Variants in RALGAPA1 observed in about 807,000 individuals in gnomAD.
RALGAPA1 encodes ral GTPase-activating protein subunit alpha-1.
Under a neutral mutation model 269.6 loss-of-function variants are expected in RALGAPA1, and 52 were observed. The observed-to-expected ratio is 0.19, with a 90% CI of 0.15 to 0.24. RALGAPA1 has a LOEUF of 0.24. Ranked by LOEUF, RALGAPA1 falls within the 10% of genes least tolerant of loss-of-function variation. The pLI, the probability that RALGAPA1 is intolerant of heterozygous loss-of-function variation, is 1.00. For synonymous variants in RALGAPA1, 817 were observed against 1,008.3 expected (o/e 0.81, Z 3.60); for missense variants, 1,917 against 3,013.9 (o/e 0.64, Z 8.52).
intron 16 of RALGAPA1, among the ~76,000 whole-genome samples, chr14:35,706,260 T>C (rs1193930214): frequency 6.6e-6 from 1 of 152,250 alleles, no homozygotes; most frequent in African/African-American, 2.4e-5. Context: ...CTAGGTGTTT[T>C]ATACTTTTGT....
At chr14:35,607,807 A>T (rs1374059275) in intron 35 of RALGAPA1, among the ~76,000 whole-genome samples, 1 of 152,246 alleles carries the variant, frequency 6.6e-6, no homozygotes, top group Non-Finnish European at 1.5e-5. Flanking sequence ...AGCAAAACAG[A>T]CAGAACTTTA....
At chr14:35,767,469 C>T (rs1443159042) in intron 4 of RALGAPA1, among the ~76,000 whole-genome samples, 3 of 152,038 alleles carry the variant, frequency 2.0e-5, no homozygotes, top group African/African-American at 2.4e-5. Context: ...GGGTGGATCA[C>T]GAGGTCAGGA....
At chr14:35,617,194 G>A (rs1594830063) in intron 35 of RALGAPA1, among the ~76,000 whole-genome samples, 2 of 152,108 alleles carry the variant, frequency 1.3e-5, no homozygotes, top group African/African-American at 4.8e-5. Context: ...GAGTGGACAG[G>A]AGGGGGACTG....
At chr14:35,546,240 G>A (rs923151508) in intron 41 of RALGAPA1, among the ~76,000 whole-genome samples, 16 of 151,956 alleles carry the variant, frequency 1.1e-4, no homozygotes, top group African/African-American at 2.9e-4. Flanking sequence ...AAAGTAATAC[G>A]GAAAAATGTT....
chr14:35,586,919 C>A (rs997372352), intron 37 of RALGAPA1, among the ~76,000 whole-genome samples: 1 of 150,364 alleles, frequency 6.7e-6, no homozygotes, highest in African/African-American at 2.4e-5. Context: ...GTCTAAAATT[C>A]TCCTTTTTGT....
chr14:35,784,429 T>C (rs1016455876), intron 1 of RALGAPA1, among the ~76,000 whole-genome samples: 2 of 152,022 alleles, frequency 1.3e-5, no homozygotes, highest in African/African-American at 4.8e-5. Flanking sequence ...ACCACAGAGA[T>C]GGAAAGTATC....
At chr14:35,803,792 C>A (rs950999136) in intron 1 of RALGAPA1, among the ~76,000 whole-genome samples, 1 of 151,812 alleles carries the variant, frequency 6.6e-6, no homozygotes, top group African/African-American at 2.4e-5. Context: ...GCTATCACAC[C>A]TGGTTATTTT....
intron 37 of RALGAPA1, among the ~76,000 whole-genome samples, chr14:35,583,861 T>C (rs1479926920): frequency 6.6e-6 from 1 of 152,084 alleles, no homozygotes; most frequent in Non-Finnish European, 1.5e-5. Flanking sequence ...CCCTGTGAAA[T>C]TACCCTTCAG....
intron 33 of RALGAPA1, among the ~76,000 whole-genome samples, chr14:35,633,193 A>G (rs1030894182): frequency 2.6e-5 from 4 of 152,172 alleles, no homozygotes; most frequent in Admixed American, 2.0e-4. Flanking sequence ...GAAACATACT[A>G]TATTGTCTTG....
At chr14:35,590,490 T>C (rs1014913724) in intron 37 of RALGAPA1, among the ~76,000 whole-genome samples, 2 of 152,168 alleles carry the variant, frequency 1.3e-5, no homozygotes, top group African/African-American at 2.4e-5. Flanking sequence ...GCTGTTCTAG[T>C]GGTAGTGAGT....
At chr14:35,698,090 G>C (rs1034768646) in intron 17 of RALGAPA1, among the ~76,000 whole-genome samples, 2 of 152,080 alleles carry the variant, frequency 1.3e-5, no homozygotes, top group Non-Finnish European at 2.9e-5. Flanking sequence ...TTTTGTTTTA[G>C]TGACTGATGT....
chr14:35,577,773 A>G (rs1047637711), intron 37 of RALGAPA1, among the ~76,000 whole-genome samples: 3 of 152,132 alleles, frequency 2.0e-5, no homozygotes, highest in African/African-American at 7.2e-5. Flanking sequence ...CACTAAATCA[A>G]TTTATCTTCC....
chr14:35,602,216 T>G (rs1213719473), intron 36 of RALGAPA1, among the ~76,000 whole-genome samples: 1 of 152,254 alleles, frequency 6.6e-6, no homozygotes, highest in Non-Finnish European at 1.5e-5. Flanking sequence ...ATTCATCCAT[T>G]GATGGACATC....
intron 37 of RALGAPA1, among the ~76,000 whole-genome samples, chr14:35,587,001 CT>C (rs1296082461): frequency 1.3e-5 from 2 of 152,178 alleles, no homozygotes; most frequent in Non-Finnish European, 2.9e-5. Context: ...AGGATTCCCT[CT>C]TTTTCTATTG....
At chr14:35,613,222 C>T (rs1335325880) in intron 35 of RALGAPA1, among the ~76,000 whole-genome samples, 4 of 151,850 alleles carry the variant, frequency 2.6e-5, no homozygotes, top group African/African-American at 9.7e-5. Context: ...ACAGGGATTA[C>T]AGGTGTGCAC....
intron 3 of RALGAPA1, among the ~76,000 whole-genome samples, chr14:35,773,234 C>A (rs1372832095): frequency 6.6e-6 from 1 of 152,024 alleles, no homozygotes; most frequent in African/African-American, 2.4e-5. Context: ...AAACCTCTAC[C>A]ATATTATTAG....
Position 35,762,653 on chromosome 14 carries a change from T to C in RALGAPA1, c.369+57A>G, listed in dbSNP as rs2141381053. 5.3e-6 allele frequency: 5 copies of C among 941,142 alleles called. No individual in the cohort carries two copies. The South Asian group carries it at 6.5e-5, about 12-fold the overall frequency. 58.3% of individuals were successfully genotyped at this position (941,142 alleles called of 1,614,324 possible). A position where few individuals can be genotyped will look rare whatever the true frequency, so the allele number is the denominator to read the frequency against. ...CTTAGGTAGGAAAAGTGTTAACAGG[T>C]GGGATGTATGTTCTACTCAGTATTT... is the stretch of plus-strand genomic sequence containing the variant. On this transcript the variant is annotated intron_variant, in intron 5 of 41. Transcript: ENST00000680220.
At chr14:35,618,168 C>T (rs1244392246) in intron 35 of RALGAPA1, among the ~76,000 whole-genome samples, 2 of 152,154 alleles carry the variant, frequency 1.3e-5, no homozygotes, top group East Asian at 3.9e-4. Flanking sequence ...ATTCTAAAAA[C>T]ATAACAGGAA....
At chr14:35,773,857 T>G (rs999093330) in intron 3 of RALGAPA1, among the ~76,000 whole-genome samples, 1 of 152,030 alleles carries the variant, frequency 6.6e-6, no homozygotes, top group African/African-American at 2.4e-5. Flanking sequence ...AAGAGACATA[T>G]AAATGAGGTT....
Sources: gnomAD v4.1 joint callset for allele counts (sites outside exome capture counted in the v4.1 genomes callset) on GRCh38, gnomAD v4.1.1 for gene constraint, MANE v1.5 for transcripts, NCBI Gene and HGNC (gene_info 2026-07-23, HGNC 2026-07-21) for gene names.